The following RASGEF1C variants were observed in gnomAD, a reference collection of about 807,000 sequenced individuals.
RASGEF1C encodes the protein ras-GEF domain-containing family member 1C.
In RASGEF1C, 27 loss-of-function variants were observed where a neutral mutation model predicts 58.1. That is an observed-to-expected ratio of 0.46 (90% CI 0.34 to 0.64). RASGEF1C has a LOEUF of 0.64. Ranked by LOEUF, RASGEF1C falls within the 30% of genes least tolerant of loss-of-function variation. RASGEF1C has a pLI of 0.01. For synonymous variants in RASGEF1C, 243 were observed against 246.3 expected, an observed-to-expected ratio of 0.99 and a Z score of 0.13; for missense variants, 502 against 605.1, an observed-to-expected ratio of 0.83 and a Z score of 1.79.
intron 1 of RASGEF1C, among the ~76,000 whole-genome samples, chr5:180,152,591 A>T (rs1358005864): frequency 6.7e-6 from 1 of 148,686 alleles, no homozygotes; most frequent in African/African-American, 2.5e-5. Context: ...GAGGGATAGC[A>T]TTAGGAGATA....
intron 11 of RASGEF1C, among the ~76,000 whole-genome samples, chr5:180,112,889 G>GGGATGGACGGAGGGACCGT (rs1183454555): frequency 6.7e-6 from 1 of 149,488 alleles, no homozygotes; most frequent in Non-Finnish European, 1.5e-5. Flanking sequence ...GGAGGGACCG[G>GGGATGGACGGAGGGACCGT]GGATGGACGG....
At chr5:180,183,875 A>T (rs1411520131) in intron 1 of RASGEF1C, among the ~76,000 whole-genome samples, 1 of 152,076 alleles carries the variant, frequency 6.6e-6, no homozygotes, top group Admixed American at 6.6e-5. Context: ...TTTCAGATCA[A>T]ATAAATAAAC....
At chr5:180,129,317 C>T (rs1012389538) in intron 4 of RASGEF1C, among the ~76,000 whole-genome samples, 5 of 152,180 alleles carry the variant, frequency 3.3e-5, no homozygotes, top group Non-Finnish European at 7.4e-5. Context: ...AACCAGTGGG[C>T]GCCTTCTGCA....
intron 1 of RASGEF1C, among the ~76,000 whole-genome samples, chr5:180,180,139 A>G (rs4700908): frequency 0.49 from 74,829 of 152,016 alleles, 18,901 homozygotes; most frequent in East Asian, 0.65. Flanking sequence ...CCAGCAGCCA[A>G]TTACACAAAA....
chr5:180,121,063 G>A lies in RASGEF1C; in HGVS notation c.801C>T (p.Cys267=), dbSNP rs754319705. The A allele has an allele frequency of 6.2e-7, 1 of 1,612,622 alleles. No homozygotes were observed. Among genetic ancestry groups the A allele is most frequent in the Non-Finnish European group, 8.5e-7 (1 of 1,178,616 alleles). The part of the protein sequence containing the change: ...RLCYLVATEI[C]MPAKKKQRAQ... ...CCCACCCTGGCTGTCTACTCACCAT[G>A]CAGATCTCAGTTGCCACCAGGTAGC... Residue 267 remains cysteine (C), a synonymous_variant, in exon 7 of 14, where the codon TGC becomes TGT. Coordinates refer to ENST00000361132, the MANE Select transcript of RASGEF1C (RefSeq NM_175062.4).
Position 180,198,525 on chromosome 5 carries a change from C to G in RASGEF1C, c.-7+10503G>C, listed in dbSNP as rs1756320028. 6.6e-6 allele frequency among the ~76,000 whole-genome samples: 1 copy of G among 152,192 alleles called. No homozygotes were observed. The highest frequency in any genetic ancestry group is 2.4e-5 in the African/African-American group (1 of 41,446). On this transcript the variant is annotated intron_variant, in intron 1 of 13. Transcript: ENST00000361132. This position sits in a 1 kb window ranked among gnomAD's most constrained non-coding sequence, Gnocchi z 4.5. ...TTCTAGAGGCAGAGAAGTCCAAGAT[C>G]AAGTTGCTCTCTGCTCCACAGAGGG...
chr5:180,181,159 G>T (rs1233332548), intron 1 of RASGEF1C, among the ~76,000 whole-genome samples: 1 of 152,214 alleles, frequency 6.6e-6, no homozygotes, highest in East Asian at 1.9e-4. Flanking sequence ...TGCCTCCCCA[G>T]GATGTGCCAG....
At chr5:180,191,428 C>T (rs1335655431) in intron 1 of RASGEF1C, among the ~76,000 whole-genome samples, 2 of 152,118 alleles carry the variant, frequency 1.3e-5, no homozygotes, top group Non-Finnish European at 2.9e-5. Flanking sequence ...GCGATCTCAG[C>T]TCACTGCAAG....
At chr5:180,204,073 G>C (rs1756449485) in intron 1 of RASGEF1C, among the ~76,000 whole-genome samples, 1 of 152,176 alleles carries the variant, frequency 6.6e-6, no homozygotes, top group South Asian at 2.1e-4. Flanking sequence ...ATAGCTTTTT[G>C]ACTGTGTGGG....
chr5:180,149,729 C>T (rs1561743734), intron 1 of RASGEF1C, among the ~76,000 whole-genome samples: 1 of 152,236 alleles, frequency 6.6e-6, no homozygotes, highest in Non-Finnish European at 1.5e-5. Flanking sequence ...GCTGGGATTA[C>T]AGGCGTGAGC....
chr5:180,196,959 A>C (rs1756289967), intron 1 of RASGEF1C, among the ~76,000 whole-genome samples: 1 of 152,222 alleles, frequency 6.6e-6, no homozygotes, highest in Non-Finnish European at 1.5e-5. Flanking sequence ...CAATATCCAA[A>C]GAGCCCGAGG....
rs879223464 is a variant in RASGEF1C at position 180,198,051 on chromosome 5, C to T, written c.-7+10977G>A. Reference sequence around the variant, plus strand: ...ATTCATAAACCAAGGTGACCCCTCACATTCATGAGCCTTTCACAGATGAGT... The same window carrying T: ...ATTCATAAACCAAGGTGACCCCTCATATTCATGAGCCTTTCACAGATGAGT... On this transcript the variant is annotated intron_variant, in intron 1 of 13. Transcript: ENST00000361132. This position sits in a 1 kb window ranked among gnomAD's most constrained non-coding sequence, Gnocchi z 4.5. Among the ~76,000 whole-genome samples the T allele has an allele frequency of 6.6e-6, 1 of 152,242 alleles. No individual in the cohort carries two copies. Among genetic ancestry groups the T allele is most frequent in the Non-Finnish European group, 1.5e-5 (1 of 68,046 alleles).
intron 3 of RASGEF1C, 115 bp from the exon 4 acceptor site, chr5:180,136,630 CTG>C: frequency 8.2e-7 from 1 of 1,221,334 alleles, no homozygotes. Context: ...CGTGCCCTCT[CTG>C]TGCCAGGGAG....
At chr5:180,107,590 T>A in intron 12 of RASGEF1C, among the ~76,000 whole-genome samples, 1 of 151,750 alleles carries the variant, frequency 6.6e-6, no homozygotes, top group East Asian at 1.9e-4. Flanking sequence ...TTTTAATATT[T>A]AAAAAAAAAT....
In RASGEF1C at chr5:180,206,709, T is replaced by G. The variant is rs182689885; in HGVS notation, c.-7+2319A>C. Among the ~76,000 whole-genome samples, 161 of 152,304 alleles carry G rather than the reference T, an allele frequency of 1.1e-3. 1 individual carries two copies. The highest frequency in any genetic ancestry group is 3.7e-3 in the African/African-American group (153 of 41,568). On this transcript the variant is annotated intron_variant, in intron 1 of 13. Transcript: ENST00000361132. The stretch of plus-strand genomic sequence containing the variant: ...GTTCATCCAGAGGACATAATTTGAA[T>G]AAACAATAATAGTACAGCCACAGAA...
intron 1 of RASGEF1C, among the ~76,000 whole-genome samples, chr5:180,176,628 C>G (rs1435333302): frequency 1.3e-5 from 2 of 150,976 alleles, no homozygotes; most frequent in African/African-American, 4.9e-5. Flanking sequence ...GCAATCTCGG[C>G]TCACTGCAAG....
chr5:180,159,866 C>G (rs1382604235), intron 1 of RASGEF1C, among the ~76,000 whole-genome samples: 6 of 152,260 alleles, frequency 3.9e-5, no homozygotes, highest in Non-Finnish European at 4.4e-5. Context: ...CCTCCTGATG[C>G]TCTCTTGCCA....
intron 11 of RASGEF1C, among the ~76,000 whole-genome samples, chr5:180,113,115 C>G (rs1420743457): frequency 7.8e-6 from 1 of 128,206 alleles, no homozygotes; most frequent in African/African-American, 3.0e-5. Flanking sequence ...ACGGAGGGAC[C>G]GGGGATGGAC....
intron 12 of RASGEF1C, among the ~76,000 whole-genome samples, chr5:180,103,271 G>C (rs992784946): frequency 6.6e-6 from 1 of 152,100 alleles, no homozygotes; most frequent in East Asian, 1.9e-4. Context: ...TAGAGATGGG[G>C]TTTCACCGTG....
Sources: gnomAD v4.1 joint callset for allele counts (sites outside exome capture counted in the v4.1 genomes callset) on GRCh38, gnomAD v4.1.1 for gene constraint, Gnocchi (gnomAD v3.1) non-coding constraint, MANE v1.5 for transcripts, NCBI Gene and HGNC (gene_info 2026-07-23, HGNC 2026-07-21) for gene names.